The following ZNG1B variants were observed in gnomAD, a reference collection of about 807,000 sequenced individuals.
ZNG1B encodes zinc-regulated GTPase metalloprotein activator 1B.
the ZNG1B span, among the ~76,000 whole-genome samples, chr2:113,464,683 G>C: frequency 6.6e-6 from 1 of 150,774 alleles, no homozygotes; most frequent in South Asian, 2.1e-4. Context: ...TGGGGGCAAA[G>C]CAACTTACAA....
chr2:113,493,695 T>A, the ZNG1B span: 1 of 1,136,092 alleles, frequency 8.8e-7, no homozygotes, highest in South Asian at 1.5e-5. Flanking sequence ...ATCTTAAAAT[T>A]TGTGATTTAA....
chr2:113,453,280 G>A, the ZNG1B span: 6 of 1,572,824 alleles, frequency 3.8e-6, no homozygotes, highest in African/African-American at 7.0e-5. Context: ...GTCTCACTTT[G>A]TTGCCCAGAC....
At chr2:113,455,597 C>A in the ZNG1B span, 2 of 1,287,204 alleles carry the variant, frequency 1.6e-6, no homozygotes, top group Non-Finnish European at 2.0e-6. Context: ...AATCATCCCA[C>A]CCACTGACCC....
At chr2:113,490,412 C>CAG in the ZNG1B span, among the ~76,000 whole-genome samples, 1 of 151,506 alleles carries the variant, frequency 6.6e-6, no homozygotes, top group African/African-American at 2.4e-5. Context: ...TCGGAAAGAG[C>CAG]ACAATCTACG....
At chr2:113,458,169 T>C in the ZNG1B span, among the ~76,000 whole-genome samples, 1 of 151,968 alleles carries the variant, frequency 6.6e-6, no homozygotes, top group Non-Finnish European at 1.5e-5. Context: ...CATTTTGTTT[T>C]ATTTTATAAA....
At chr2:113,459,837 G>T in the ZNG1B span, among the ~76,000 whole-genome samples, 2 of 143,240 alleles carry the variant, frequency 1.4e-5, no homozygotes, top group Non-Finnish European at 3.0e-5. Context: ...GGGTAAAAGT[G>T]TAATTTCCCA....
the ZNG1B span, among the ~76,000 whole-genome samples, chr2:113,445,833 G>C: frequency 1.4e-5 from 2 of 144,540 alleles, no homozygotes; most frequent in Non-Finnish European, 3.0e-5. Flanking sequence ...CTCTGGCATT[G>C]GGGCGATTTG....
chr2:113,476,880 G>T, the ZNG1B span, among the ~76,000 whole-genome samples: 1 of 152,226 alleles, frequency 6.6e-6, no homozygotes, highest in East Asian at 1.9e-4. Flanking sequence ...CCAGTTCTCA[G>T]ATCTCCAGCT....
At chr2:113,458,281 C>G in the ZNG1B span, among the ~76,000 whole-genome samples, 2 of 151,998 alleles carry the variant, frequency 1.3e-5, no homozygotes, top group African/African-American at 4.8e-5. Context: ...CAGAGTTTGA[C>G]TTGGGAAGGT....
the ZNG1B span, chr2:113,469,476 G>T: frequency 6.8e-6 from 1 of 146,368 alleles, no homozygotes; most frequent in East Asian, 2.1e-4. Context: ...AGGGGTGGGG[G>T]GTGAAAAAGG....
the ZNG1B span, among the ~76,000 whole-genome samples, chr2:113,440,724 C>CA: frequency 3.2e-3 from 416 of 130,572 alleles, no homozygotes; most frequent in East Asian, 0.022. Flanking sequence ...AAATGTCCAA[C>CA]AAAAAAAAAA....
the ZNG1B span, among the ~76,000 whole-genome samples, chr2:113,476,287 CCT>C: frequency 1.3e-5 from 2 of 151,926 alleles, no homozygotes; most frequent in African/African-American, 4.8e-5. Context: ...CGCATCGGCT[CCT>C]GAGGCTTCTG....
chr2:113,443,295 T>G, the ZNG1B span, among the ~76,000 whole-genome samples: 1 of 151,732 alleles, frequency 6.6e-6, no homozygotes, highest in African/African-American at 2.4e-5. Flanking sequence ...TGAACTAGGG[T>G]TTTTACTCAT....
At chr2:113,461,064 T>A in the ZNG1B span, among the ~76,000 whole-genome samples, 2 of 147,212 alleles carry the variant, frequency 1.4e-5, no homozygotes, top group African/African-American at 2.5e-5. Flanking sequence ...TAATAATTAT[T>A]ATTATTATTT....
the ZNG1B span, among the ~76,000 whole-genome samples, chr2:113,488,605 A>T: frequency 0.082 from 7,756 of 94,450 alleles, 187 homozygotes; most frequent in African/African-American, 0.12. Flanking sequence ...TAAAGATATA[A>T]AAAAAAAAAA....
At chr2:113,452,936 A>G in the ZNG1B span, among the ~76,000 whole-genome samples, 1 of 152,044 alleles carries the variant, frequency 6.6e-6, no homozygotes, top group African/African-American at 2.4e-5. Context: ...AGAGATGGAA[A>G]TGGAATGGGT....
the ZNG1B span, among the ~76,000 whole-genome samples, chr2:113,475,434 T>G: frequency 6.6e-6 from 1 of 150,506 alleles, no homozygotes; most frequent in Non-Finnish European, 1.5e-5. Context: ...GGGTCTTGAC[T>G]CTTTATCCAA....
chr2:113,478,572 C>T, the ZNG1B span, among the ~76,000 whole-genome samples: 3 of 152,072 alleles, frequency 2.0e-5, no homozygotes, highest in Non-Finnish European at 4.4e-5. Context: ...TAGGCCACCA[C>T]ACCCAGCCTT....
the ZNG1B span, chr2:113,462,518 G>A: frequency 5.0e-6 from 8 of 1,585,690 alleles, no homozygotes; most frequent in African/African-American, 8.1e-5. Context: ...AGTGTGTTAA[G>A]TGCCTACAGA....
Sources: gnomAD v4.1 joint callset for allele counts (sites outside exome capture counted in the v4.1 genomes callset) on GRCh38, gnomAD v4.1.1 for gene constraint, MANE v1.5 for transcripts, NCBI Gene and HGNC (gene_info 2026-07-23, HGNC 2026-07-21) for gene names.